Variants in FKBP9 observed in about 807,000 individuals in gnomAD.
The protein encoded by FKBP9 is peptidyl-prolyl cis-trans isomerase FKBP9.
A neutral mutation model predicts 55.6 loss-of-function variants in FKBP9; 27 were observed. That is an observed-to-expected ratio of 0.49 (90% confidence interval 0.36 to 0.67). The LOEUF is 0.67. Among genes scored for constraint, FKBP9 ranks in the 30% least tolerant of loss-of-function variants. FKBP9 has a pLI of 0.00. For synonymous variants in FKBP9, 267 were observed against 296.5 expected (o/e 0.90, Z 1.02); for missense variants, 539 against 742.8 (o/e 0.73, Z 3.19).
At position 33,005,345 on chromosome 7, in the gene FKBP9, A is replaced by G; in HGVS notation, c.1707A>G (p.Glu569=). Residue 569 remains glutamate, a synonymous_variant, in exon 10 of 10, where the codon GAA becomes GAG. Transcript: ENST00000242209. Reference sequence around the variant, plus strand: ...AAGACCAGGAAGCCAAACACGATGAACTCTAAACCTGGCATGAACCAGATG... The same window carrying G: ...AAGACCAGGAAGCCAAACACGATGAGCTCTAAACCTGGCATGAACCAGATG... ...KLKDQEAKHD[E]L The G allele has an allele frequency of 1.9e-6, 3 of 1,614,092 alleles. No homozygotes were observed. Among genetic ancestry groups the G allele is most frequent in the Non-Finnish European group, 2.5e-6 (3 of 1,179,998 alleles).
At chr7:32,960,495 C>T (rs1347047229) in intron 1 of FKBP9, among the ~76,000 whole-genome samples, 8 of 152,158 alleles carry the variant, frequency 5.3e-5, no homozygotes, top group South Asian at 2.1e-4. Flanking sequence ...TAATGGCTAA[C>T]GATGTTGAGC....
intron 1 of FKBP9, among the ~76,000 whole-genome samples, chr7:32,965,882 T>TAGAGAG (rs1349623304): frequency 9.3e-6 from 1 of 107,712 alleles, no homozygotes; most frequent in Non-Finnish European, 1.8e-5. Flanking sequence ...CATATATATA[T>TAGAGAG]ATAGAGAGAG....
At chr7:32,974,850 T>G (rs1309437212) in intron 2 of FKBP9, 88 bp downstream of exon 2, 1 of 1,279,308 alleles carries the variant, frequency 7.8e-7, no homozygotes, top group African/African-American at 1.5e-5. Context: ...TGGAGAATCT[T>G]GGAAGCTTTA....
intron 1 of FKBP9, among the ~76,000 whole-genome samples, chr7:32,968,768 T>A (rs2127978185): frequency 7.0e-6 from 1 of 142,594 alleles, no homozygotes; most frequent in South Asian, 2.4e-4. Flanking sequence ...AGACGGGGTT[T>A]TGCCTCAGCC....
chr7:32,998,868 A>G (rs1365512270), intron 7 of FKBP9, among the ~76,000 whole-genome samples: 3 of 152,210 alleles, frequency 2.0e-5, no homozygotes, highest in Admixed American at 6.5e-5. Flanking sequence ...AGAAAATCAC[A>G]GGACCCGAGG....
Position 32,960,830 on chromosome 7 carries a change from A to G in FKBP9, c.221+3036A>G, listed in dbSNP as rs143937133. Among the ~76,000 whole-genome samples the G allele has an allele frequency of 9.5e-3, 1,440 of 152,358 alleles. 25 individuals carry two copies. Among genetic ancestry groups the G allele is most frequent in the African/African-American group, 0.033 (1,356 of 41,590 alleles). On this transcript the variant is annotated intron_variant, in intron 1 of 9. Coordinates refer to ENST00000242209, the MANE Select transcript of FKBP9 (RefSeq NM_007270.5). ...GTGATAAGTACAGTAAGACAGTAGC[A>G]CACACTCTGTCTCTCATAGAGTTCA... is the stretch of plus-strand genomic sequence containing the variant.
At chr7:32,964,956 G>T (rs1784103957) in intron 1 of FKBP9, among the ~76,000 whole-genome samples, 1 of 152,176 alleles carries the variant, frequency 6.6e-6, no homozygotes, top group South Asian at 2.1e-4. Context: ...ATTCGTGAAG[G>T]GTGGTGGCAG....
At chr7:32,966,005 C>T (rs1351048084) in intron 1 of FKBP9, among the ~76,000 whole-genome samples, 1 of 147,766 alleles carries the variant, frequency 6.8e-6, no homozygotes, top group Non-Finnish European at 1.5e-5. Context: ...CCAGCCTGGC[C>T]AACATGGTGA....
At position 32,996,319 on chromosome 7, in the gene FKBP9, C is replaced by T. The variant is rs1784784548; in HGVS notation, c.1196C>T (p.Ser399Leu). ...TACCTCAAATATCACTACAATGCCT[C>T]ACTTCTGGATGGGACCCTGCTGGAC... The part of the protein sequence containing the change: ...GDYLKYHYNA[S>L]LLDGTLLDST... Residue 399 changes from serine (S) to leucine (L), a missense_variant, in exon 7 of 10, where the codon TCA becomes TTA. By Grantham distance (145) the Ser-to-Leu change is moderately radical. Around this residue, in one of 4 missense-constraint regions of FKBP9, gnomAD observed 172 missense variants for 205.3 expected, o/e 0.84. Coordinates refer to ENST00000242209, the MANE Select transcript of FKBP9 (RefSeq NM_007270.5). The T allele has an allele frequency of 6.2e-7, 1 of 1,613,856 alleles. No homozygotes were observed. The highest frequency in any genetic ancestry group is 8.5e-7 in the Non-Finnish European group (1 of 1,179,796).
At chr7:32,978,200 GT>G (rs1784403174) in intron 4 of FKBP9, among the ~76,000 whole-genome samples, 2 of 151,734 alleles carry the variant, frequency 1.3e-5, no homozygotes, top group Non-Finnish European at 2.9e-5. Context: ...GGGATTACAG[GT>G]GTGAACCACT....
In FKBP9 at chr7:32,957,461, C is replaced by A; in HGVS notation, c.-113C>A. 1.3e-6 allele frequency: 1 copy of A among 777,886 alleles called. No individual in the cohort carries two copies. The highest frequency in any genetic ancestry group is 1.8e-6 in the Non-Finnish European group (1 of 562,600). 48.2% of individuals were successfully genotyped at this position (777,886 alleles called of 1,614,324 possible). A position where few individuals can be genotyped will look rare whatever the true frequency, so the allele number is the denominator to read the frequency against. ...CGGGGAGACGGGGTGGCGGCTGCAG[C>A]CCGGGTAGGGCCAGGAGACCCGGTC... is the stretch of plus-strand genomic sequence containing the variant. On this transcript the variant is annotated 5_prime_UTR_variant, in exon 1 of 10. Transcript: ENST00000242209.
In FKBP9 at chr7:33,006,551, A is replaced by C. The variant is rs1785045235; in HGVS notation, c.*1200A>C. On this transcript the variant is annotated 3_prime_UTR_variant, in exon 10 of 10. Transcript: ENST00000242209. Reference sequence around the variant, plus strand: ...CAACAGAGTATTTCCCTTGGCCGAGATGGAAGTTTTGTCCCAATAGATGAG... The same window carrying C: ...CAACAGAGTATTTCCCTTGGCCGAGCTGGAAGTTTTGTCCCAATAGATGAG... The C allele has an allele frequency of 4.9e-6, 1 of 204,460 alleles. No individual in the cohort carries two copies. Among genetic ancestry groups the C allele is most frequent in the Non-Finnish European group, 1.0e-5 (1 of 99,938 alleles). 12.7% of individuals were successfully genotyped at this position (204,460 alleles called of 1,614,324 possible).
At chr7:32,977,194 C>G (rs1784377799) in intron 4 of FKBP9, among the ~76,000 whole-genome samples, 1 of 152,188 alleles carries the variant, frequency 6.6e-6, no homozygotes, top group Non-Finnish European at 1.5e-5. Flanking sequence ...CTCAGGTACT[C>G]ATGTTTGAAT....
chr7:32,988,416 G>C (rs1162601470), intron 5 of FKBP9, 91 bp from the exon 6 acceptor site: 2 of 1,328,338 alleles, frequency 1.5e-6, no homozygotes, highest in Non-Finnish European at 2.1e-6. Flanking sequence ...GGAGGCCTCT[G>C]TGTGCCTTTG....
intron 7 of FKBP9, among the ~76,000 whole-genome samples, 174 bp downstream of exon 7, chr7:32,996,523 A>G (rs28374673): frequency 2.8e-4 from 42 of 151,348 alleles, no homozygotes; most frequent in African/African-American, 1.0e-3. Flanking sequence ...GTTTCCTATT[A>G]ATGGTCTTGC....
chr7:32,977,605 C>T (rs1412386624), intron 4 of FKBP9, among the ~76,000 whole-genome samples: 4 of 151,990 alleles, frequency 2.6e-5, no homozygotes, highest in African/African-American at 7.2e-5. Context: ...TTGTGCAGCA[C>T]ATGATTTTGT....
intron 6 of FKBP9, chr7:32,992,840 C>T: frequency 4.4e-6 from 1 of 229,702 alleles, no homozygotes; most frequent in Admixed American, 5.6e-5. Flanking sequence ...CCTACGCACA[C>T]AGAGAGTGTT....
At chr7:32,977,304 G>A (rs1392832433) in intron 4 of FKBP9, among the ~76,000 whole-genome samples, 6 of 152,296 alleles carry the variant, frequency 3.9e-5, no homozygotes, top group Admixed American at 6.5e-5. Flanking sequence ...TCATAATGGG[G>A]ATATGTTCTG....
intron 1 of FKBP9, among the ~76,000 whole-genome samples, chr7:32,970,328 C>A (rs922209228): frequency 6.6e-6 from 1 of 152,086 alleles, no homozygotes; most frequent in African/African-American, 2.4e-5. Context: ...TCCCGAGTAG[C>A]TGGTATTACA....
Sources: allele counts gnomAD v4.1 joint callset (sites outside exome capture counted in the v4.1 genomes callset), GRCh38; gene constraint gnomAD v4.1.1; regional missense constraint gnomAD v4.1.1; transcripts MANE v1.5; gene names NCBI Gene and HGNC (gene_info 2026-07-23, HGNC 2026-07-21).